The following GSK3B variants were observed in gnomAD, a reference collection of about 807,000 sequenced individuals.
GSK3B encodes glycogen synthase kinase-3 beta.
In GSK3B, 15 loss-of-function variants were observed where a neutral mutation model predicts 56.4. The ratio of observed to expected loss-of-function variants is 0.27; its 90% confidence interval spans 0.18 to 0.41. The LOEUF (loss-of-function observed/expected upper bound fraction) is 0.41, where lower values mean the gene tolerates loss of function less well. GSK3B is among the 10% of genes least tolerant of loss of function. The pLI, the probability that GSK3B is intolerant of heterozygous loss-of-function variation, is 1.00. For synonymous variants in GSK3B, 181 were observed against 188.9 expected (o/e 0.96, Z 0.34); for missense variants, 300 against 513.4 (o/e 0.58, Z 4.02).
intron 1 of GSK3B, among the ~76,000 whole-genome samples, chr3:120,091,911 A>G (rs571934480): frequency 1.2e-4 from 18 of 152,220 alleles, no homozygotes; most frequent in Non-Finnish European, 2.2e-4. Flanking sequence ...CAAAGCCAAC[A>G]TGAATTGAAA....
intron 1 of GSK3B, among the ~76,000 whole-genome samples, chr3:120,063,884 G>A (rs892044511): frequency 2.0e-5 from 3 of 151,964 alleles, no homozygotes; most frequent in Non-Finnish European, 4.4e-5. Flanking sequence ...CTACTTAGGA[G>A]GCTGAGGCAT....
chr3:120,014,075 C>T (rs1211652450), intron 1 of GSK3B, among the ~76,000 whole-genome samples: 1 of 146,038 alleles, frequency 6.8e-6, no homozygotes, highest in Non-Finnish European at 1.5e-5. Context: ...GCGGAGGTTG[C>T]AGTGAGCCAA....
chr3:120,028,496 A>T (rs1012412619), intron 1 of GSK3B, among the ~76,000 whole-genome samples: 2 of 152,220 alleles, frequency 1.3e-5, no homozygotes, highest in African/African-American at 4.8e-5. Context: ...TGTTTACGTA[A>T]GTCTCCACCA....
At chr3:119,901,363 G>T (rs1281630663) in intron 7 of GSK3B, among the ~76,000 whole-genome samples, 1 of 152,120 alleles carries the variant, frequency 6.6e-6, no homozygotes, top group Non-Finnish European at 1.5e-5. Flanking sequence ...ACAATTCTAT[G>T]CATGAAATTA....
chr3:120,083,482 GATTATA>G (rs2058439085), intron 1 of GSK3B, among the ~76,000 whole-genome samples: 2 of 151,830 alleles, frequency 1.3e-5, no homozygotes, highest in Admixed American at 1.3e-4. Context: ...GAAGAATTGA[GATTATA>G]ATTATTACAA....
chr3:119,916,593 G>A (rs906669935), intron 4 of GSK3B, among the ~76,000 whole-genome samples: 2 of 152,128 alleles, frequency 1.3e-5, no homozygotes, highest in Admixed American at 6.6e-5. Flanking sequence ...TAAGTTTATA[G>A]TTCTTTCTAG....
chr3:119,887,196 A>AT (rs1559823254), intron 7 of GSK3B, among the ~76,000 whole-genome samples: 1 of 152,116 alleles, frequency 6.6e-6, no homozygotes. Flanking sequence ...TGGTATTATT[A>AT]TTTTTTTAAA....
intron 2 of GSK3B, among the ~76,000 whole-genome samples, chr3:119,968,578 G>A (rs1417978549): frequency 6.6e-6 from 1 of 152,084 alleles, no homozygotes; most frequent in African/African-American, 2.4e-5. Context: ...TGCTGAAAAA[G>A]CATTTGGTAA....
At chr3:119,959,848 C>T (rs373172975) in intron 2 of GSK3B, among the ~76,000 whole-genome samples, 9 of 151,950 alleles carry the variant, frequency 5.9e-5, no homozygotes, top group East Asian at 3.9e-4. Flanking sequence ...ACACTGCGCC[C>T]GGCTTGACCT....
chr3:119,885,114 G>C (rs551380464), intron 7 of GSK3B, among the ~76,000 whole-genome samples: 52 of 152,062 alleles, frequency 3.4e-4, no homozygotes, highest in South Asian at 8.3e-4. Flanking sequence ...CCTGCCAAAA[G>C]GTTCCTGGAA....
chr3:119,961,304 C>T (rs1411341542), intron 2 of GSK3B, among the ~76,000 whole-genome samples: 1 of 152,192 alleles, frequency 6.6e-6, no homozygotes, highest in Non-Finnish European at 1.5e-5. Context: ...CAGCACTAAT[C>T]TCTTCCTCAT....
intron 7 of GSK3B, among the ~76,000 whole-genome samples, chr3:119,895,384 A>G (rs1270698699): frequency 6.6e-6 from 1 of 152,122 alleles, no homozygotes. Flanking sequence ...ACAGAACTTG[A>G]GAGTACAGAT....
intron 6 of GSK3B, among the ~76,000 whole-genome samples, chr3:119,908,696 G>A (rs895278385): frequency 6.6e-6 from 1 of 152,186 alleles, no homozygotes; most frequent in African/African-American, 2.4e-5. Context: ...TGGTAAAGCA[G>A]ATGTCAAAGT....
chr3:119,880,001 G>C (rs1666722408), intron 7 of GSK3B, among the ~76,000 whole-genome samples: 1 of 152,148 alleles, frequency 6.6e-6, no homozygotes, highest in African/African-American at 2.4e-5. Context: ...GTGATTGCTA[G>C]ATGGTAGGCA....
rs1451308959 is a variant in GSK3B, at chr3:120,030,687, C to T, written c.89-28448G>A. On this transcript the variant is annotated intron_variant, in intron 1 of 10. Coordinates refer to ENST00000264235, the MANE Select transcript of GSK3B (RefSeq NM_001146156.2). ...TTCCTTTTTATCCTTTATGTCTCAG[C>T]TTAAACCTCACTTCTTCAGAGATGC... Among the ~76,000 whole-genome samples, 4 of 152,172 alleles carry T rather than the reference C, an allele frequency of 2.6e-5. No individual in the cohort carries two copies. In the East Asian group the frequency reaches 7.7e-4, roughly 29 times the overall value.
At chr3:119,901,028 T>C (rs2056619509) in intron 7 of GSK3B, among the ~76,000 whole-genome samples, 1 of 152,144 alleles carries the variant, frequency 6.6e-6, no homozygotes, top group Admixed American at 6.5e-5. Flanking sequence ...TCACCAGCAT[T>C]ATACAAGCCT....
intron 4 of GSK3B, among the ~76,000 whole-genome samples, chr3:119,921,730 T>C (rs1398791455): frequency 6.6e-6 from 1 of 152,172 alleles, no homozygotes; most frequent in Admixed American, 6.5e-5. Flanking sequence ...AATTCAAAAA[T>C]ATAAACTTAA....
intron 3 of GSK3B, among the ~76,000 whole-genome samples, chr3:119,942,629 G>A (rs2057061177): frequency 2.0e-5 from 3 of 152,084 alleles, no homozygotes; most frequent in African/African-American, 7.2e-5. Context: ...AGAGTTCTTT[G>A]GGGTAAGCTA....
intron 2 of GSK3B, among the ~76,000 whole-genome samples, chr3:119,984,349 C>T (rs146153733): frequency 2.8e-3 from 427 of 149,892 alleles, no homozygotes; most frequent in African/African-American, 9.3e-3. Context: ...CAAGAAATAA[C>T]TAAGATCAGA....
Sources: allele counts gnomAD v4.1 joint callset (sites outside exome capture counted in the v4.1 genomes callset), GRCh38; gene constraint gnomAD v4.1.1; transcripts MANE v1.5; gene names NCBI Gene and HGNC (gene_info 2026-07-23, HGNC 2026-07-21).